Variants in THRAP3 observed in about 807,000 individuals in gnomAD.
THRAP3 encodes thyroid hormone receptor-associated protein 3.
In THRAP3, 16 loss-of-function variants were observed where a neutral mutation model predicts 101.0. The observed-to-expected ratio is 0.16, with a 90% CI of 0.11 to 0.24. The LOEUF is 0.24. THRAP3 is among the 10% of genes least tolerant of loss of function. THRAP3 has a pLI of 1.00. For missense variants in THRAP3, 989 were observed against 1,202.7 expected, an observed-to-expected ratio of 0.82 and a Z score of 2.63; for synonymous variants, 407 against 422.6, an observed-to-expected ratio of 0.96 and a Z score of 0.45.
chr1:36,239,717 G>A (rs1645132569), intron 1 of THRAP3, among the ~76,000 whole-genome samples: 1 of 152,152 alleles, frequency 6.6e-6, no homozygotes, highest in Non-Finnish European at 1.5e-5. Flanking sequence ...AAGATTTCAA[G>A]CATACAAAAA....
intron 9 of THRAP3, among the ~76,000 whole-genome samples, chr1:36,300,409 G>A (rs1646017662): frequency 6.6e-6 from 1 of 152,234 alleles, no homozygotes; most frequent in African/African-American, 2.4e-5. Flanking sequence ...TTGGTGTAAA[G>A]TGTTTAAACA....
intron 1 of THRAP3, among the ~76,000 whole-genome samples, chr1:36,245,752 ATTCC>A (rs1284515639): frequency 1.3e-5 from 2 of 152,172 alleles, no homozygotes; most frequent in Non-Finnish European, 2.9e-5. Context: ...TGTGTCTCTC[ATTCC>A]TTGTCTCTTG....
intron 1 of THRAP3, among the ~76,000 whole-genome samples, chr1:36,256,466 C>T (rs1338563927): frequency 3.9e-5 from 6 of 151,938 alleles, no homozygotes; most frequent in Non-Finnish European, 8.8e-5. Flanking sequence ...ACCTCGTGAT[C>T]CGCCCGCCTC....
At chr1:36,280,130 G>A (rs1229208143) in intron 2 of THRAP3, among the ~76,000 whole-genome samples, 1 of 152,202 alleles carries the variant, frequency 6.6e-6, no homozygotes, top group East Asian at 1.9e-4. Flanking sequence ...ATGAATTAAT[G>A]AATGAGCAAG....
At chr1:36,273,901 G>A (rs543450380) in intron 2 of THRAP3, among the ~76,000 whole-genome samples, 1 of 152,132 alleles carries the variant, frequency 6.6e-6, no homozygotes, top group South Asian at 2.1e-4. Flanking sequence ...AAATCAGCTG[G>A]GCGTGGTAGC....
Position 36,304,140 on chromosome 1 carries a change from C to T in THRAP3, c.*123C>T. ...TCCTACCCCCACCCCCCACCAGCCG[C>T]ACAGATTGTACTACCGCGAGAGGCA... is the stretch of plus-strand genomic sequence containing the variant. On this transcript the variant is annotated 3_prime_UTR_variant, in exon 12 of 12. Coordinates refer to ENST00000354618, the MANE Select transcript of THRAP3 (RefSeq NM_005119.4). 7.2e-7 allele frequency: 1 copy of T among 1,392,150 alleles called. No individual in the cohort carries two copies. Among genetic ancestry groups the T allele is most frequent in the Non-Finnish European group, 9.5e-7 (1 of 1,053,696 alleles). The allele number at this position is 1,392,150 out of a possible 1,614,324, so 86.2% of individuals were successfully genotyped here. A position where few individuals can be genotyped will look rare whatever the true frequency, so the allele number is the denominator to read the frequency against.
intron 1 of THRAP3, among the ~76,000 whole-genome samples, chr1:36,238,258 C>A (rs192069283): frequency 6.6e-6 from 1 of 152,130 alleles, no homozygotes; most frequent in South Asian, 2.1e-4. Flanking sequence ...GGTAAAACAT[C>A]GTGCTCAGCC....
chr1:36,252,776 G>A (rs1412755972), intron 1 of THRAP3, among the ~76,000 whole-genome samples: 9 of 151,264 alleles, frequency 5.9e-5, no homozygotes, highest in Non-Finnish European at 1.2e-4. Flanking sequence ...GCATTGTGGC[G>A]CAAGCTTGTA....
rs760305339 is a variant in THRAP3, at chr1:36,282,535, G to A, written c.-29G>A. 1.2e-6 allele frequency: 2 copies of A among 1,608,402 alleles called. No homozygotes were observed. Among genetic ancestry groups the A allele is most frequent in the Admixed American group, 1.7e-5 (1 of 59,850 alleles). ...TCTAATGCATTTTCTTACATTAGGT[G>A]TAATTGAAAAGTGATCCTCTCTTCA... On this transcript the variant is annotated splice_region_variant and 5_prime_UTR_variant, in exon 3 of 12. Transcript: ENST00000354618.
chr1:36,216,934 A>G, the THRAP3 span, among the ~76,000 whole-genome samples: 1 of 152,150 alleles, frequency 6.6e-6, no homozygotes, highest in Non-Finnish European at 1.5e-5. Flanking sequence ...CATTGCACTC[A>G]TCCATTAGTA....
chr1:36,294,117 G>T, intron 8 of THRAP3, 182 bp downstream of exon 8: 1 of 1,394,558 alleles, frequency 7.2e-7, no homozygotes, highest in Non-Finnish European at 9.3e-7. Flanking sequence ...CAACCTTTGT[G>T]AAGTGGTTAG....
chr1:36,268,723 ATTT>A (rs200374533), intron 2 of THRAP3, among the ~76,000 whole-genome samples: 1 of 143,492 alleles, frequency 7.0e-6, no homozygotes, highest in Non-Finnish European at 1.5e-5. Context: ...ATATGAGTTA[ATTT>A]TTTTTTTTTT....
At chr1:36,221,609 GT>G (rs2124301146), upstream of THRAP3, among the ~76,000 whole-genome samples, 1 of 152,258 alleles carries the variant, frequency 6.6e-6, no homozygotes, top group Admixed American at 6.5e-5. Flanking sequence ...TATTGAGACA[GT>G]TTTGCTCTTG....
chr1:36,257,256 G>A (rs1022291791), intron 1 of THRAP3, among the ~76,000 whole-genome samples: 24 of 152,054 alleles, frequency 1.6e-4, no homozygotes, highest in Non-Finnish European at 3.1e-4. Flanking sequence ...CCCTTAATGC[G>A]TGATATAAAA....
intron 1 of THRAP3, among the ~76,000 whole-genome samples, chr1:36,227,417 G>C (rs2124325865): frequency 6.6e-6 from 1 of 152,002 alleles, no homozygotes; most frequent in Admixed American, 6.6e-5. Flanking sequence ...CAAGTAGCTG[G>C]GATTACAGGG....
At chr1:36,255,743 AG>A in intron 1 of THRAP3, among the ~76,000 whole-genome samples, 1 of 149,546 alleles carries the variant, frequency 6.7e-6, no homozygotes, top group South Asian at 2.1e-4. Context: ...ATTGCACTCC[AG>A]CCTGGGTGAG....
In THRAP3 at chr1:36,304,908, AT is replaced by A. The variant is rs1480841181; in HGVS notation, c.*897del. The A allele has an allele frequency of 4.9e-6, 1 of 206,006 alleles. No individual in the cohort carries two copies. The highest frequency in any genetic ancestry group is 2.3e-5 in the African/African-American group (1 of 43,754). The allele number at this position is 206,006 out of a possible 1,614,324, so 12.8% of individuals were successfully genotyped here. On this transcript the variant is annotated 3_prime_UTR_variant, in exon 12 of 12. Coordinates refer to ENST00000354618, the MANE Select transcript of THRAP3 (RefSeq NM_005119.4). Reference sequence around the variant, plus strand: ...ACAAATATGAGAAAATTTTTTCAATATTTTTTATTAATCTTTTTATAAAATG... The same window carrying A: ...ACAAATATGAGAAAATTTTTTCAATATTTTTATTAATCTTTTTATAAAATG...
chr1:36,270,579 T>TTTTTTG (rs1645577976), intron 2 of THRAP3, among the ~76,000 whole-genome samples: 3 of 136,082 alleles, frequency 2.2e-5, no homozygotes, highest in African/African-American at 3.4e-5. Flanking sequence ...AGGTTTTTGT[T>TTTTTTG]TTTTTTTTTT....
intron 1 of THRAP3, among the ~76,000 whole-genome samples, chr1:36,255,493 G>C (rs1645361466): frequency 1.3e-5 from 2 of 152,008 alleles, no homozygotes; most frequent in African/African-American, 4.8e-5. Context: ...GCCAGGCCAG[G>C]CGCGGTGGCT....
Sources: gnomAD v4.1 joint callset for allele counts (sites outside exome capture counted in the v4.1 genomes callset) on GRCh38, gnomAD v4.1.1 for gene constraint, MANE v1.5 for transcripts, NCBI Gene and HGNC (gene_info 2026-07-23, HGNC 2026-07-21) for gene names.